The following EEFSEC variants were observed in gnomAD, a reference collection of about 807,000 sequenced individuals.
EEFSEC encodes the protein selenocysteine-specific elongation factor.
A neutral mutation model predicts 42.1 loss-of-function variants in EEFSEC; 43 were observed. The observed-to-expected ratio is 1.02, with a 90% CI of 0.80 to 1.32. The LOEUF is 1.32. Among genes scored for constraint, EEFSEC ranks in the 40% most tolerant of loss-of-function variants. The pLI is 0.00. For missense variants in EEFSEC, 745 were observed against 803.6 expected (o/e 0.93, Z 0.88); for synonymous variants, 354 against 339.1 (o/e 1.04, Z -0.48).
At chr3:128,254,209 G>C (rs796677542) in intron 2 of EEFSEC, among the ~76,000 whole-genome samples, 7 of 152,332 alleles carry the variant, frequency 4.6e-5, no homozygotes, top group African/African-American at 1.7e-4. Flanking sequence ...AGGAAGGCAA[G>C]TTTGCTTCTG....
chr3:128,224,813 A>G (rs529213443), intron 1 of EEFSEC, among the ~76,000 whole-genome samples: 14 of 152,292 alleles, frequency 9.2e-5, no homozygotes, highest in South Asian at 2.1e-4. Flanking sequence ...ATGTTCTTCA[A>G]ATATGGTTCC....
intron 1 of EEFSEC, among the ~76,000 whole-genome samples, chr3:128,181,877 G>A (rs1047687084): frequency 1.3e-5 from 2 of 152,150 alleles, no homozygotes; most frequent in African/African-American, 2.4e-5. Flanking sequence ...GCAATGGCAC[G>A]ATCTCAGCTC....
chr3:128,407,865 C>T (rs953979990), intron 6 of EEFSEC, among the ~76,000 whole-genome samples: 1 of 152,150 alleles, frequency 6.6e-6, no homozygotes, highest in African/African-American at 2.4e-5. Flanking sequence ...TGAGCTGAGG[C>T]CCCAAGAGGC....
In EEFSEC at chr3:128,247,962, T is replaced by C. The variant is rs555865135; in HGVS notation, c.524+919T>C. Among the ~76,000 whole-genome samples the C allele has an allele frequency of 1.1e-4, 16 of 152,196 alleles. No homozygotes were observed. In the South Asian group the frequency reaches 3.3e-3, roughly 32 times the overall value. ...GTGAAGCAATTCGCCTGGATCACAG[T>C]AAGTGTGGAAGAAAGCTGGCAGTGC... On this transcript the variant is annotated intron_variant, in intron 2 of 6. Transcript: ENST00000254730.
intron 6 of EEFSEC, among the ~76,000 whole-genome samples, chr3:128,388,882 T>C (rs1472344677): frequency 6.6e-6 from 1 of 152,204 alleles, no homozygotes; most frequent in Non-Finnish European, 1.5e-5. Flanking sequence ...AGGTCTGCTG[T>C]TGGTTCTTCA....
intron 4 of EEFSEC, among the ~76,000 whole-genome samples, chr3:128,295,228 T>C (rs942111108): frequency 6.6e-5 from 10 of 152,204 alleles, no homozygotes; most frequent in African/African-American, 2.4e-4. Context: ...GCCCTGCCTT[T>C]GGTGGTGTCC....
intron 6 of EEFSEC, among the ~76,000 whole-genome samples, chr3:128,401,192 G>C (rs1263719738): frequency 6.6e-6 from 1 of 152,192 alleles, no homozygotes; most frequent in Non-Finnish European, 1.5e-5. Flanking sequence ...CCCGAGCCTG[G>C]ACTTCTTTCT....
At chr3:128,309,809 C>T (rs774043362) in intron 4 of EEFSEC, among the ~76,000 whole-genome samples, 1 of 152,202 alleles carries the variant, frequency 6.6e-6, no homozygotes, top group Non-Finnish European at 1.5e-5. Flanking sequence ...CAGGAAGGGC[C>T]TGGACACACC....
intron 1 of EEFSEC, among the ~76,000 whole-genome samples, chr3:128,223,939 C>T (rs1025063273): frequency 6.6e-6 from 1 of 151,874 alleles, no homozygotes; most frequent in Non-Finnish European, 1.5e-5. Context: ...ATCCCTTTTA[C>T]ATTTATTATT....
intron 1 of EEFSEC, among the ~76,000 whole-genome samples, chr3:128,200,345 A>G (rs1427175263): frequency 6.6e-6 from 1 of 151,630 alleles, no homozygotes; most frequent in Non-Finnish European, 1.5e-5. Flanking sequence ...CTGGAGTGCA[A>G]TGGCGCGATC....
At chr3:128,420,577 A>G in the EEFSEC span, among the ~76,000 whole-genome samples, 1 of 152,186 alleles carries the variant, frequency 6.6e-6, no homozygotes, top group South Asian at 2.1e-4. Context: ...TCAGGCCTCT[A>G]CCACCTTTGA....
intron 4 of EEFSEC, among the ~76,000 whole-genome samples, chr3:128,309,194 G>A (rs1415844877): frequency 6.6e-6 from 1 of 152,156 alleles, no homozygotes; most frequent in African/African-American, 2.4e-5. Flanking sequence ...CCTGAATTCC[G>A]GTGGGTGGCT....
At chr3:128,329,439 C>G (rs900113502) in intron 4 of EEFSEC, among the ~76,000 whole-genome samples, 1 of 150,336 alleles carries the variant, frequency 6.7e-6, no homozygotes, top group Admixed American at 6.6e-5. Context: ...CTGATGCTCT[C>G]AGTCTGGACA....
At chr3:128,189,575 T>TC (rs2065500457) in intron 1 of EEFSEC, among the ~76,000 whole-genome samples, 1 of 136,754 alleles carries the variant, frequency 7.3e-6, no homozygotes, top group Non-Finnish European at 1.6e-5. Flanking sequence ...TTTTTTTTTT[T>TC]CCGAGCCAGG....
the EEFSEC span, among the ~76,000 whole-genome samples, chr3:128,423,665 G>A: frequency 6.6e-6 from 1 of 152,204 alleles, no homozygotes; most frequent in Non-Finnish European, 1.5e-5. Context: ...ATTTGCCAAG[G>A]CCTGGGGGAG....
At chr3:128,209,354 C>T (rs2065732398) in intron 1 of EEFSEC, among the ~76,000 whole-genome samples, 1 of 152,096 alleles carries the variant, frequency 6.6e-6, no homozygotes, top group Admixed American at 6.6e-5. Flanking sequence ...AAGACCATGG[C>T]TAATTCAGGA....
the EEFSEC span, among the ~76,000 whole-genome samples, chr3:128,420,820 C>T: frequency 3.3e-5 from 5 of 152,292 alleles, no homozygotes; most frequent in East Asian, 9.7e-4. Context: ...TGGAGTCTAG[C>T]AGGGTGCTCC....
chr3:128,239,503 T>C (rs2066047941), intron 1 of EEFSEC, among the ~76,000 whole-genome samples: 1 of 152,192 alleles, frequency 6.6e-6, no homozygotes, highest in South Asian at 2.1e-4. Flanking sequence ...GCTGTGCAGC[T>C]GGCAGAGCGA....
the EEFSEC span, among the ~76,000 whole-genome samples, chr3:128,417,082 C>T: frequency 6.6e-6 from 1 of 152,128 alleles, no homozygotes; most frequent in Non-Finnish European, 1.5e-5. The surrounding 1 kb of genome is among the most constrained non-coding windows in gnomAD (Gnocchi z 4.3). Flanking sequence ...AGCCCCCACC[C>T]CATGGCCACC....
Sources: allele counts gnomAD v4.1 joint callset (sites outside exome capture counted in the v4.1 genomes callset), GRCh38; gene constraint gnomAD v4.1.1; non-coding constraint Gnocchi (gnomAD v3.1); transcripts MANE v1.5; gene names NCBI Gene and HGNC (gene_info 2026-07-23, HGNC 2026-07-21).